Variants in TEX2 observed in about 807,000 individuals in gnomAD.
The protein encoded by TEX2 is testis-expressed protein 2.
A neutral mutation model predicts 106.9 loss-of-function variants in TEX2; 53 were observed. The ratio of observed to expected loss-of-function variants is 0.50; its 90% CI spans 0.40 to 0.62. TEX2 has a LOEUF of 0.62. Ranked by LOEUF, TEX2 falls within the 20% of genes least tolerant of loss-of-function variation. The pLI, the probability that TEX2 is intolerant of heterozygous loss-of-function variation, is 0.00. For missense variants in TEX2, 1,207 were observed against 1,379.0 expected (o/e 0.88, Z 1.98); for synonymous variants, 523 against 534.8 (o/e 0.98, Z 0.30).
Position 64,243,732 on chromosome 17 carries a change from C to T in TEX2, c.-26+19436G>A, listed in dbSNP as rs546370120. 7.2e-5 allele frequency among the ~76,000 whole-genome samples: 11 copies of T among 151,892 alleles called. No homozygotes were observed. The South Asian group carries it at 1.5e-3, about 20-fold the overall frequency. On this transcript the variant is annotated intron_variant, in intron 1 of 11. Transcript: ENST00000584379. ...AAGTTTTGGTCTGTGTGTACATGTG[C>T]GGATTTCTGCGGAGAGAGTTCATAG... is the stretch of plus-strand genomic sequence containing the variant.
chr17:64,186,872 T>TCC (rs372791572), intron 5 of TEX2, among the ~76,000 whole-genome samples: 1 of 151,846 alleles, frequency 6.6e-6, no homozygotes, highest in African/African-American at 2.4e-5. Context: ...AGGTTAAGTG[T>TCC]CCCCCAGGCA....
At chr17:64,176,669 A>G (rs2031629874) in intron 6 of TEX2, among the ~76,000 whole-genome samples, 1 of 152,184 alleles carries the variant, frequency 6.6e-6, no homozygotes, top group African/African-American at 2.4e-5. Context: ...CTCACTTCCA[A>G]CTGGCCCTGG....
chr17:64,154,467 T>C (rs1482688655), intron 9 of TEX2, among the ~76,000 whole-genome samples: 1 of 152,184 alleles, frequency 6.6e-6, no homozygotes, highest in Non-Finnish European at 1.5e-5. Context: ...TGCAGGAACT[T>C]GCAGCTCAAC....
chr17:64,155,895 G>C (rs1408360180), intron 8 of TEX2: 1 of 152,370 alleles, frequency 6.6e-6, no homozygotes, highest in African/African-American at 2.4e-5. Context: ...AGTACTGGCA[G>C]GGCTGTGTCT....
intron 2 of TEX2, among the ~76,000 whole-genome samples, chr17:64,199,373 A>G (rs1405105279): frequency 1.3e-5 from 2 of 152,058 alleles, no homozygotes; most frequent in African/African-American, 4.8e-5. Context: ...AATAGCTGGG[A>G]TTACAGGTGT....
intron 1 of TEX2, among the ~76,000 whole-genome samples, chr17:64,253,898 C>A (rs2034137767): frequency 6.6e-6 from 1 of 152,120 alleles, no homozygotes; most frequent in Non-Finnish European, 1.5e-5. Context: ...ATTTTTAACA[C>A]ATTTATCAAG....
At chr17:64,164,267 G>A (rs753965911) in intron 7 of TEX2, among the ~76,000 whole-genome samples, 19 of 152,120 alleles carry the variant, frequency 1.2e-4, no homozygotes, top group South Asian at 4.2e-4. Flanking sequence ...GTGAAACCTC[G>A]TCTCTACTAA....
At chr17:64,245,390 TC>T (rs1341198821) in intron 1 of TEX2, among the ~76,000 whole-genome samples, 1 of 152,210 alleles carries the variant, frequency 6.6e-6, no homozygotes, top group African/African-American at 2.4e-5. Context: ...AGAGCAGAGA[TC>T]CTTCCTATTA....
intron 7 of TEX2, among the ~76,000 whole-genome samples, chr17:64,163,839 C>T (rs1326653882): frequency 6.6e-6 from 1 of 152,224 alleles, no homozygotes; most frequent in Non-Finnish European, 1.5e-5. Flanking sequence ...GCTACTTAAT[C>T]TAGAGGAATG....
intron 1 of TEX2, among the ~76,000 whole-genome samples, chr17:64,251,151 T>C (rs1459945701): frequency 2.6e-5 from 4 of 152,246 alleles, no homozygotes; most frequent in Admixed American, 1.3e-4. Context: ...TTTGCCTGCC[T>C]GTGCTGTTAA....
intron 4 of TEX2, among the ~76,000 whole-genome samples, chr17:64,189,080 T>G (rs1380877867): frequency 6.7e-6 from 1 of 149,112 alleles, no homozygotes; most frequent in Non-Finnish European, 1.5e-5. Flanking sequence ...AGCTAATTAA[T>G]TGTTCATCCA....
chr17:64,235,463 C>T (rs2033747178), intron 1 of TEX2, among the ~76,000 whole-genome samples: 1 of 152,210 alleles, frequency 6.6e-6, no homozygotes, highest in African/African-American at 2.4e-5. Context: ...ACCCTATCTA[C>T]CCAGGGGGAA....
intron 6 of TEX2, among the ~76,000 whole-genome samples, chr17:64,171,631 T>C (rs1297460059): frequency 6.6e-6 from 1 of 152,046 alleles, no homozygotes; most frequent in East Asian, 1.9e-4. Flanking sequence ...ACCCCACATT[T>C]GCTGAAGTAT....
Position 64,150,836 on chromosome 17 carries a change from T to C in TEX2, c.3261+5A>G. ...GTGAAATACTAGATAACACTAGAGG[T>C]TTACCTGAAACTCTTGCTCCAGTTT... is the stretch of plus-strand genomic sequence containing the variant. On this transcript the variant is annotated splice_donor_5th_base_variant and intron_variant, in intron 11 of 11. Transcript: ENST00000584379. 6.2e-7 allele frequency: 1 copy of C among 1,611,740 alleles called. No individual in the cohort carries two copies. The highest frequency in any genetic ancestry group is 8.5e-7 in the Non-Finnish European group (1 of 1,179,126).
At chr17:64,237,622 T>C (rs577339583) in intron 1 of TEX2, among the ~76,000 whole-genome samples, 1 of 151,938 alleles carries the variant, frequency 6.6e-6, no homozygotes, top group South Asian at 2.1e-4. Flanking sequence ...GGAGATGAAA[T>C]GCATGGAACT....
intron 4 of TEX2, among the ~76,000 whole-genome samples, chr17:64,192,072 TGG>T (rs1333390935): frequency 6.6e-6 from 1 of 152,216 alleles, no homozygotes; most frequent in East Asian, 1.9e-4. Context: ...CACATGGGGC[TGG>T]TGGCTACCGT....
chr17:64,175,649 C>T (rs1194622940), intron 6 of TEX2, among the ~76,000 whole-genome samples: 2 of 152,054 alleles, frequency 1.3e-5, no homozygotes, highest in South Asian at 2.1e-4. Context: ...TTTGGTGGTG[C>T]GATCATAGCT....
chr17:64,168,743 T>A (rs1200422655), intron 7 of TEX2, among the ~76,000 whole-genome samples: 1 of 152,176 alleles, frequency 6.6e-6, no homozygotes, highest in Non-Finnish European at 1.5e-5. Context: ...CACATGAGGT[T>A]TGTGTTAGCT....
At chr17:64,239,390 C>T (rs148325997) in intron 1 of TEX2, 1 of 152,264 alleles carries the variant, frequency 6.6e-6, no homozygotes, top group East Asian at 1.9e-4. Context: ...TAATCATACC[C>T]CAAAGAGCTT....
Sources: allele counts gnomAD v4.1 joint callset (sites outside exome capture counted in the v4.1 genomes callset), GRCh38; gene constraint gnomAD v4.1.1; transcripts MANE v1.5; gene names NCBI Gene and HGNC (gene_info 2026-07-23, HGNC 2026-07-21).